AJAP1: variants seen among roughly 807,000 people sequenced by gnomAD.
The protein encoded by AJAP1 is adherens junctions associated protein 1.
In AJAP1, 5 loss-of-function variants were observed where a neutral mutation model predicts 35.0. The ratio of observed to expected loss-of-function variants is 0.14; its 90% confidence interval spans 0.07 to 0.30. The LOEUF (loss-of-function observed/expected upper bound fraction) is 0.30, where lower values mean the gene tolerates loss of function less well. AJAP1 is among the 10% of genes least tolerant of loss of function. The pLI is 1.00. For missense variants in AJAP1, 586 were observed against 571.0 expected (o/e 1.03, Z -0.27); for synonymous variants, 284 against 249.3 (o/e 1.14, Z -1.31).
rs1409553205 is a variant in AJAP1 at position 4,712,296 on chromosome 1, C to T, written c.426C>T (p.Ala142=). 7.4e-6 allele frequency: 11 copies of T among 1,495,852 alleles called. No individual in the cohort carries two copies. The highest frequency in any genetic ancestry group is 4.8e-5 in the East Asian group (2 of 41,692). The allele number at this position is 1,495,852 out of a possible 1,614,324, so 92.7% of individuals were successfully genotyped here. A position where few individuals can be genotyped will look rare whatever the true frequency, so the allele number is the denominator to read the frequency against. ...SSSSSSSSAV[A]GGAPEQQALL... The stretch of plus-strand genomic sequence containing the variant: ...CCTCGTCCTCGTCCTCCGCGGTGGC[C>T]GGTGGGGCCCCGGAGCAGCAGGCCC... Residue 142 remains alanine (A), a synonymous_variant, in exon 2 of 6, where the codon GCC becomes GCT. Coordinates refer to ENST00000378191, the MANE Select transcript of AJAP1 (RefSeq NM_018836.4).
rs770264216 is a variant in AJAP1 at position 4,655,470 on chromosome 1, G to A, written c.29+16G>A. The A allele has an allele frequency of 3.8e-6, 6 of 1,564,188 alleles. No individual in the cohort carries two copies. The highest frequency in any genetic ancestry group is 5.1e-5 in the East Asian group (2 of 39,594). ...TAGGACTCAGGTGAGCGACCCGGCC[G>A]GCGCCGGGTGCGTGTGGGCGCGTGG... is the stretch of plus-strand genomic sequence containing the variant. On this transcript the variant is annotated intron_variant, in intron 1 of 5. Coordinates refer to ENST00000378191, the MANE Select transcript of AJAP1 (RefSeq NM_018836.4). The surrounding 1 kb of genome is among the most constrained non-coding windows in gnomAD (Gnocchi z 6.9).
At chr1:4,717,774 T>C (rs1467149378) in intron 2 of AJAP1, among the ~76,000 whole-genome samples, 4 of 152,140 alleles carry the variant, frequency 2.6e-5, no homozygotes, top group Admixed American at 2.6e-4. Context: ...TGAACTATTT[T>C]CTAAACACCA....
chr1:4,711,486 CACTT>C (rs1484754430), intron 1 of AJAP1, among the ~76,000 whole-genome samples: 3 of 152,242 alleles, frequency 2.0e-5, no homozygotes, highest in East Asian at 3.9e-4. Context: ...GCCATCCTCT[CACTT>C]ACGTCCTCTC....
intron 1 of AJAP1, 38 bp from the exon 2 acceptor site, chr1:4,711,862 T>G (rs899751777): frequency 7.0e-7 from 1 of 1,426,252 alleles, no homozygotes; most frequent in South Asian, 1.6e-5. Context: ...CTCCTGGGCT[T>G]CCACTGACCG....
At chr1:4,675,518 C>T (rs1434171245) in intron 1 of AJAP1, among the ~76,000 whole-genome samples, 1 of 152,190 alleles carries the variant, frequency 6.6e-6, no homozygotes, top group East Asian at 1.9e-4. Flanking sequence ...TAACATAGAC[C>T]TGGTTGAATG....
chr1:4,670,907 A>G (rs1433024043), intron 1 of AJAP1, among the ~76,000 whole-genome samples: 2 of 152,208 alleles, frequency 1.3e-5, no homozygotes, highest in African/African-American at 4.8e-5. Context: ...GTCTTCCATC[A>G]CTGTAACAGA....
intron 1 of AJAP1, 132 bp from the exon 2 acceptor site, chr1:4,711,768 A>G: frequency 1.5e-6 from 1 of 665,024 alleles, no homozygotes; most frequent in Admixed American, 3.1e-5. Flanking sequence ...TCCCTTTTGA[A>G]GTTAGGAGGA....
chr1:4,729,013 C>T (rs1640739051), intron 2 of AJAP1, among the ~76,000 whole-genome samples: 1 of 152,218 alleles, frequency 6.6e-6, no homozygotes, highest in Admixed American at 6.5e-5. Context: ...GGACGCTGCC[C>T]ACTGCCCTCC....
At chr1:4,772,201 C>T in intron 3 of AJAP1, 79 bp from the exon 4 acceptor site, 1 of 1,579,440 alleles carries the variant, frequency 6.3e-7, no homozygotes, top group South Asian at 1.1e-5. Context: ...AGCGAAAGAC[C>T]CACAGTGGAA....
At chr1:4,673,333 G>A (rs1374874080) in intron 1 of AJAP1, among the ~76,000 whole-genome samples, 3 of 152,140 alleles carry the variant, frequency 2.0e-5, no homozygotes, top group Non-Finnish European at 4.4e-5. Context: ...TGCCACTGAC[G>A]GCCCAGTGTT....
At chr1:4,727,809 C>T (rs1640701405) in intron 2 of AJAP1, among the ~76,000 whole-genome samples, 1 of 152,188 alleles carries the variant, frequency 6.6e-6, no homozygotes, top group Non-Finnish European at 1.5e-5. Flanking sequence ...AGCGGGTGTC[C>T]AGGAAGTGAG....
At position 4,770,569 on chromosome 1, in the gene AJAP1, G is replaced by A. The variant is rs930936375; in HGVS notation, c.917+629G>A. ...GGCCCTGCTGCTCGAAAGCGCCTTG[G>A]GGACCTCACCTGCCTGCAGCCACTC... On this transcript the variant is annotated intron_variant, in intron 3 of 5. Coordinates refer to ENST00000378191, the MANE Select transcript of AJAP1 (RefSeq NM_018836.4). 2.6e-5 allele frequency among the ~76,000 whole-genome samples: 4 copies of A among 152,162 alleles called. No homozygotes were observed. In the South Asian group the frequency reaches 8.3e-4, roughly 32 times the overall value.
At chr1:4,675,408 A>G (rs573973949) in intron 1 of AJAP1, among the ~76,000 whole-genome samples, 109 of 152,330 alleles carry the variant, frequency 7.2e-4, no homozygotes, top group African/African-American at 2.5e-3. Flanking sequence ...GTCAGGATAC[A>G]TTGCTTTCTT....
chr1:4,679,847 GTGTGT>G (rs1320760956), intron 1 of AJAP1, among the ~76,000 whole-genome samples: 2 of 138,806 alleles, frequency 1.4e-5, no homozygotes, highest in East Asian at 2.4e-4. Flanking sequence ...GTGTGTGTGT[GTGTGT>G]AGAGAGAGAT....
chr1:4,676,577 C>T (rs911365738), intron 1 of AJAP1, among the ~76,000 whole-genome samples: 7 of 152,256 alleles, frequency 4.6e-5, no homozygotes, highest in African/African-American at 1.4e-4. Flanking sequence ...GAGAGAGGGG[C>T]CGTTCCTTGG....
At chr1:4,772,163 A>G in intron 3 of AJAP1, 117 bp from the exon 4 acceptor site, 1 of 1,313,082 alleles carries the variant, frequency 7.6e-7, no homozygotes. Flanking sequence ...ACCGTTTAAT[A>G]TGAAATGATG....
rs987579293 is a variant in AJAP1 at position 4,658,323 on chromosome 1, T to C, written c.29+2869T>C. 4.5e-4 allele frequency among the ~76,000 whole-genome samples: 69 copies of C among 152,150 alleles called. 1 individual carries two copies. Among genetic ancestry groups the C allele is most frequent in the Non-Finnish European group, 2.9e-5 (2 of 68,026 alleles). On this transcript the variant is annotated intron_variant, in intron 1 of 5. Coordinates refer to ENST00000378191, the MANE Select transcript of AJAP1 (RefSeq NM_018836.4). ...GCCCTGGGTGTGTGTGTTGACATAA[T>C]TCACAGTTCCCCAAGCCCTCTCAGT...
chr1:4,673,295 T>C (rs4654455), intron 1 of AJAP1, among the ~76,000 whole-genome samples: 34,576 of 152,092 alleles, frequency 0.23, 4,067 homozygotes, highest in Middle Eastern at 0.36. Flanking sequence ...TAGTTAGCTA[T>C]CTAAGTACAC....
intron 2 of AJAP1, among the ~76,000 whole-genome samples, chr1:4,740,775 G>A (rs1443913889): frequency 1.4e-4 from 13 of 94,848 alleles, no homozygotes; most frequent in Non-Finnish European, 2.1e-4. Context: ...AACAGAGCAA[G>A]ACTCCGTCTC....
Sources: allele counts gnomAD v4.1 joint callset (sites outside exome capture counted in the v4.1 genomes callset), GRCh38; gene constraint gnomAD v4.1.1; non-coding constraint Gnocchi (gnomAD v3.1); transcripts MANE v1.5; gene names NCBI Gene and HGNC (gene_info 2026-07-23, HGNC 2026-07-21).